PLCXD3: variants seen among roughly 807,000 people sequenced by gnomAD.
PLCXD3 encodes the protein phosphatidylinositol specific phospholipase C X domain containing 3, also known as PI-PLC X domain-containing protein 3.
Under a neutral mutation model 25.5 loss-of-function variants are expected in PLCXD3, and 19 were observed. The observed-to-expected ratio is 0.75, with a 90% CI of 0.52 to 1.09. The LOEUF (loss-of-function observed/expected upper bound fraction) is 1.09, where lower values mean the gene tolerates loss of function less well. PLCXD3 is among the 50% of genes least tolerant of loss of function. PLCXD3 has a pLI of 0.00. For missense variants in PLCXD3, 411 were observed against 388.1 expected (o/e 1.06, Z -0.50); for synonymous variants, 174 against 137.6 (o/e 1.26, Z -1.85).
At position 41,308,558 on chromosome 5, in the gene PLCXD3, T is replaced by G. The variant is rs1039218225; in HGVS notation, c.*5059A>C. The G allele has an allele frequency of 6.6e-6, 1 of 152,162 alleles. No homozygotes were observed. The highest frequency in any genetic ancestry group is 2.4e-5 in the African/African-American group (1 of 41,434). The allele number at this position is 152,162 out of a possible 1,614,324, so 9.4% of individuals were successfully genotyped here. A position where few individuals can be genotyped will look rare whatever the true frequency, so the allele number is the denominator to read the frequency against. ...AGTCATGAGTTTTCTATTGCTAGAC[T>G]AATTCTACACGTGGGGCAGACCAGA... On this transcript the variant is annotated 3_prime_UTR_variant, in exon 3 of 3. Transcript: ENST00000377801.
rs70988846 is a variant in PLCXD3 at position 41,440,215 on chromosome 5, A to ATTTTTTTTTTT, written c.104-57692_104-57682dup. The stretch of plus-strand genomic sequence containing the variant: ...TCTGAGCAAATTACATAATCTCTCA[A>ATTTTTTTTTTT]TTTTTTTTTTTTTTTTTTTTTTTTT... On this transcript the variant is annotated intron_variant, in intron 1 of 2. Coordinates refer to ENST00000377801, the MANE Select transcript of PLCXD3 (RefSeq NM_001005473.3). Among the ~76,000 whole-genome samples, 62 of 41,078 alleles carry ATTTTTTTTTTT rather than the reference A, an allele frequency of 1.5e-3. 11 individuals are homozygous for ATTTTTTTTTTT. The highest frequency in any genetic ancestry group is 5.8e-3 in the African/African-American group (56 of 9,608). 26.9% of individuals were successfully genotyped at this position (41,078 alleles called of 152,430 possible). A position where few individuals can be genotyped will look rare whatever the true frequency, so the allele number is the denominator to read the frequency against.
intron 1 of PLCXD3, among the ~76,000 whole-genome samples, chr5:41,510,029 G>A (rs1739001716): frequency 6.6e-6 from 1 of 152,174 alleles, no homozygotes; most frequent in African/African-American, 2.4e-5. Context: ...GCGAGCCCCT[G>A]ACACTAGCTC....
intron 1 of PLCXD3, among the ~76,000 whole-genome samples, chr5:41,489,167 C>A (rs1302626610): frequency 2.0e-5 from 3 of 151,864 alleles, no homozygotes; most frequent in Non-Finnish European, 4.4e-5. Context: ...GTTTTCCCAG[C>A]ACCATTTATT....
chr5:41,428,334 T>C lies in PLCXD3; in HGVS notation c.104-45800A>G, dbSNP rs1747010786. Among the ~76,000 whole-genome samples the C allele has an allele frequency of 1.3e-5, 2 of 150,428 alleles. 1 individual carries two copies. Among genetic ancestry groups the C allele is most frequent in the South Asian group, 4.2e-4 (2 of 4,716 alleles). ...TGTTGAAGCCCTAACCCCCAGTACC[T>C]CAGAATAGGGTCTTTAAAGAGGTGA... On this transcript the variant is annotated intron_variant, in intron 1 of 2. Coordinates refer to ENST00000377801, the MANE Select transcript of PLCXD3 (RefSeq NM_001005473.3).
chr5:41,389,471 G>A (rs923351552), intron 1 of PLCXD3, among the ~76,000 whole-genome samples: 3 of 152,156 alleles, frequency 2.0e-5, no homozygotes, highest in African/African-American at 7.2e-5. Context: ...GACAAGATAA[G>A]CTGTACTGTG....
intron 1 of PLCXD3, among the ~76,000 whole-genome samples, chr5:41,494,125 G>T (rs1010963279): frequency 6.6e-6 from 1 of 152,206 alleles, no homozygotes; most frequent in Non-Finnish European, 1.5e-5. Flanking sequence ...TTAAGACAGG[G>T]TCTTGCTCTA....
chr5:41,380,404 A>G (rs1391674962), intron 2 of PLCXD3, among the ~76,000 whole-genome samples: 2 of 152,030 alleles, frequency 1.3e-5, no homozygotes, highest in African/African-American at 4.8e-5. Context: ...CTAAGCACCT[A>G]TTAACTGCTC....
chr5:41,378,309 G>T (rs1227967588), intron 2 of PLCXD3, among the ~76,000 whole-genome samples: 1 of 152,028 alleles, frequency 6.6e-6, no homozygotes, highest in African/African-American at 2.4e-5. Context: ...ATACAGCTTT[G>T]CAAATGGTTA....
chr5:41,443,149 C>T (rs1303057201), intron 1 of PLCXD3, among the ~76,000 whole-genome samples: 1 of 150,742 alleles, frequency 6.6e-6, no homozygotes, highest in Admixed American at 6.6e-5. Flanking sequence ...TCATGCACTA[C>T]ACAACAACGA....
chr5:41,437,405 T>C (rs189321947), intron 1 of PLCXD3, among the ~76,000 whole-genome samples: 3 of 152,196 alleles, frequency 2.0e-5, no homozygotes, highest in Admixed American at 2.0e-4. Flanking sequence ...CTATTAAGTA[T>C]TTACAAAGAC....
chr5:41,381,897 C>T lies in PLCXD3; in HGVS notation c.741G>A (p.Val247=), dbSNP rs946391010. Residue 247 remains valine (V), a synonymous_variant, in exon 2 of 3, where the codon GTG becomes GTA. Transcript: ENST00000377801. Reference sequence around the variant, plus strand: ...CAGTGCTAGCTTTGGGGGTCAGCACCACCTGAGATATAAAAAACGATCCCT... The same window carrying T: ...CAGTGCTAGCTTTGGGGGTCAGCACTACCTGAGATATAAAAAACGATCCCT... The part of the protein sequence containing the change: ...RKKGSFFISQ[V]VLTPKASTVV... 2.5e-6 allele frequency: 4 copies of T among 1,613,164 alleles called. No homozygotes were observed. The African/African-American group carries it at 5.3e-5, about 22-fold the overall frequency.
chr5:41,359,207 G>A (rs557787970), intron 2 of PLCXD3, among the ~76,000 whole-genome samples: 9 of 152,232 alleles, frequency 5.9e-5, no homozygotes, highest in Admixed American at 2.0e-4. Context: ...CCTGGTTTTG[G>A]TATTAGGGTG....
intron 1 of PLCXD3, among the ~76,000 whole-genome samples, chr5:41,470,551 T>G (rs1748129294): frequency 6.6e-6 from 1 of 152,054 alleles, no homozygotes; most frequent in Non-Finnish European, 1.5e-5. Flanking sequence ...AAAGGAGAAC[T>G]AAGGTTTTCC....
intron 1 of PLCXD3, among the ~76,000 whole-genome samples, chr5:41,460,561 T>C (rs1747851622): frequency 6.6e-6 from 1 of 151,990 alleles, no homozygotes; most frequent in Non-Finnish European, 1.5e-5. Flanking sequence ...GCAGTTTATG[T>C]ATGACATCTA....
Position 41,327,412 on chromosome 5 carries a change from T to A in PLCXD3, c.813-13642A>T, listed in dbSNP as rs114304265. On this transcript the variant is annotated intron_variant, in intron 2 of 2. Transcript: ENST00000377801. ...TAAAAAATTTTCTCCTGCAAAGAAT[T>A]TGATATTAATTCCATCCAAAGGCTC... 4.6e-3 allele frequency among the ~76,000 whole-genome samples: 689 copies of A among 150,798 alleles called. 3 individuals are homozygous for A. The highest frequency in any genetic ancestry group is 0.016 in the African/African-American group (650 of 41,018).
chr5:41,477,220 T>C (rs187463381), intron 1 of PLCXD3, among the ~76,000 whole-genome samples: 1 of 152,290 alleles, frequency 6.6e-6, no homozygotes, highest in East Asian at 1.9e-4. Context: ...ACCCTAACAG[T>C]ATAGAAATGG....
chr5:41,331,295 A>G (rs535854520), intron 2 of PLCXD3, among the ~76,000 whole-genome samples: 1 of 152,154 alleles, frequency 6.6e-6, no homozygotes, highest in Middle Eastern at 3.2e-3. Flanking sequence ...ATTCTTATAC[A>G]CCAATAACAA....
rs187808828 is a variant in PLCXD3, at chr5:41,367,071, G to T, written c.812+14755C>A. On this transcript the variant is annotated intron_variant, in intron 2 of 2. Coordinates refer to ENST00000377801, the MANE Select transcript of PLCXD3 (RefSeq NM_001005473.3). ...GCATTTGGGTTGATTCCATGTCTTT[G>T]CTATTGTGAGTAGTGCTGCAATGAA... is the stretch of plus-strand genomic sequence containing the variant. Among the ~76,000 whole-genome samples the T allele has an allele frequency of 3.3e-5, 5 of 152,204 alleles. No homozygotes were observed. In the East Asian group the frequency reaches 9.7e-4, roughly 29 times the overall value.
At chr5:41,341,830 T>C (rs1744157289) in intron 2 of PLCXD3, among the ~76,000 whole-genome samples, 4 of 152,176 alleles carry the variant, frequency 2.6e-5, no homozygotes, top group Admixed American at 6.6e-5. Flanking sequence ...TGTGTACCCA[T>C]AGCTTATAAA....
Sources: allele counts gnomAD v4.1 joint callset (sites outside exome capture counted in the v4.1 genomes callset), GRCh38; gene constraint gnomAD v4.1.1; transcripts MANE v1.5; gene names NCBI Gene and HGNC (gene_info 2026-07-23, HGNC 2026-07-21).